The following VOPP1 variants were observed in gnomAD, a reference collection of about 807,000 sequenced individuals.
VOPP1 encodes the protein WW domain binding protein VOPP1.
A neutral mutation model predicts 23.5 loss-of-function variants in VOPP1; 8 were observed. The ratio of observed to expected loss-of-function variants is 0.34; its 90% CI spans 0.20 to 0.61. The LOEUF is 0.61. Ranked by LOEUF, VOPP1 falls within the 20% of genes least tolerant of loss-of-function variation. The pLI is 0.78. For synonymous variants in VOPP1, 83 were observed against 97.3 expected (o/e 0.85, Z 0.86); for missense variants, 174 against 238.1 (o/e 0.73, Z 1.77).
intron 1 of VOPP1, among the ~76,000 whole-genome samples, chr7:55,547,759 A>T (rs533665395): frequency 6.6e-6 from 1 of 152,184 alleles, no homozygotes; most frequent in East Asian, 1.9e-4. Flanking sequence ...CATCAGCTAG[A>T]CCTGAGTGGT....
intron 1 of VOPP1, among the ~76,000 whole-genome samples, chr7:55,550,336 G>A (rs944605336): frequency 1.3e-5 from 2 of 152,186 alleles, no homozygotes; most frequent in Non-Finnish European, 2.9e-5. Context: ...AAATAAGGGC[G>A]AAGATCCAAA....
intron 2 of VOPP1, among the ~76,000 whole-genome samples, chr7:55,516,859 A>C (rs1196622559): frequency 6.8e-6 from 1 of 147,564 alleles, no homozygotes; most frequent in Non-Finnish European, 1.5e-5. Flanking sequence ...AGGTGAAATG[A>C]AATGTAGAAT....
chr7:55,491,947 C>A (rs1276066341), intron 4 of VOPP1, among the ~76,000 whole-genome samples: 1 of 152,044 alleles, frequency 6.6e-6, no homozygotes, highest in African/African-American at 2.4e-5. Flanking sequence ...CTAAAAATGG[C>A]AGGGGTATTA....
At chr7:55,524,836 G>T (rs1796074777) in intron 1 of VOPP1, among the ~76,000 whole-genome samples, 1 of 152,282 alleles carries the variant, frequency 6.6e-6, no homozygotes, top group African/African-American at 2.4e-5. Flanking sequence ...GAAGTCTGAT[G>T]AGAAAGGCAG....
intron 2 of VOPP1, among the ~76,000 whole-genome samples, chr7:55,512,307 T>TAGCACGTG (rs1795124283): frequency 6.6e-6 from 1 of 151,802 alleles, no homozygotes; most frequent in African/African-American, 2.4e-5. Flanking sequence ...GTGCCTGTAA[T>TAGCACGTG]CCCAGCTACC....
At chr7:55,552,558 G>C (rs1224737670) in intron 1 of VOPP1, 2 of 1,525,828 alleles carry the variant, frequency 1.3e-6, no homozygotes, top group Non-Finnish European at 1.8e-6. Context: ...TTCCCAGGGT[G>C]ACAAATGAAG....
intron 4 of VOPP1, among the ~76,000 whole-genome samples, chr7:55,453,987 T>C (rs1025559900): frequency 1.3e-5 from 2 of 152,212 alleles, no homozygotes; most frequent in Admixed American, 1.3e-4. Context: ...GAGAAAATAG[T>C]ATACCAAATC....
chr7:55,571,269 C>T (rs6962990), intron 1 of VOPP1, among the ~76,000 whole-genome samples: 3,026 of 152,298 alleles, frequency 0.02, 102 homozygotes, highest in African/African-American at 0.069. Context: ...AACACTTTTC[C>T]TCCAACATTT....
intron 4 of VOPP1, among the ~76,000 whole-genome samples, chr7:55,479,410 C>A (rs1323822164): frequency 1.3e-5 from 2 of 150,656 alleles, no homozygotes; most frequent in African/African-American, 4.9e-5. Flanking sequence ...CAGCTCAGTA[C>A]TGGCATTTCT....
intron 1 of VOPP1, among the ~76,000 whole-genome samples, chr7:55,529,809 T>C (rs1796397810): frequency 1.3e-5 from 2 of 152,238 alleles, no homozygotes; most frequent in Admixed American, 1.3e-4. Flanking sequence ...TTGCCTTTGC[T>C]ATAAGGTTCA....
At chr7:55,438,047 G>A (rs1409776678) in intron 4 of VOPP1, among the ~76,000 whole-genome samples, 1 of 151,708 alleles carries the variant, frequency 6.6e-6, no homozygotes, top group Admixed American at 6.6e-5. Context: ...GATTACAGGC[G>A]CCCCCAACCT....
intron 1 of VOPP1, chr7:55,526,892 C>T (rs1032365790): frequency 6.6e-6 from 1 of 152,278 alleles, no homozygotes; most frequent in Non-Finnish European, 1.5e-5. Flanking sequence ...GAGGGGCCCC[C>T]TGCTGTGCCT....
intron 4 of VOPP1, among the ~76,000 whole-genome samples, chr7:55,450,063 GT>G (rs1791204778): frequency 6.6e-6 from 1 of 152,202 alleles, no homozygotes; most frequent in South Asian, 2.1e-4. Context: ...GACAAGGATG[GT>G]AATAAAGAAA....
chr7:55,512,215 C>T (rs1209743528), intron 2 of VOPP1, among the ~76,000 whole-genome samples: 1 of 152,144 alleles, frequency 6.6e-6, no homozygotes, highest in African/African-American at 2.4e-5. Flanking sequence ...CACTTGAGGT[C>T]AGGAGTTCGA....
intron 4 of VOPP1, among the ~76,000 whole-genome samples, chr7:55,454,906 C>T (rs1437448451): frequency 1.3e-5 from 2 of 152,218 alleles, no homozygotes; most frequent in African/African-American, 4.8e-5. Context: ...AGGATGCCCT[C>T]TCTCATCACT....
chr7:55,506,526 G>A (rs1160108055), intron 2 of VOPP1, among the ~76,000 whole-genome samples: 2 of 151,954 alleles, frequency 1.3e-5, no homozygotes, highest in Admixed American at 6.6e-5. Context: ...TGGTAGAGAC[G>A]GGGTTTCGCC....
At chr7:55,568,790 C>CT (rs1003309581) in intron 1 of VOPP1, among the ~76,000 whole-genome samples, 9 of 151,380 alleles carry the variant, frequency 5.9e-5, no homozygotes, top group Admixed American at 2.0e-4. Flanking sequence ...GTTTTAAAAC[C>CT]TTTTTTTTTC....
At chr7:55,458,571 A>C (rs1012163986) in intron 4 of VOPP1, among the ~76,000 whole-genome samples, 7 of 151,616 alleles carry the variant, frequency 4.6e-5, no homozygotes, top group African/African-American at 1.7e-4. Context: ...CCATTTGTTT[A>C]TTTCTTTCAT....
At chr7:55,449,529 C>T (rs1290280383) in intron 4 of VOPP1, among the ~76,000 whole-genome samples, 1 of 152,238 alleles carries the variant, frequency 6.6e-6, no homozygotes, top group African/African-American at 2.4e-5. Context: ...GCGCGGCCAG[C>T]GGGCGCAGGA....
Sources: gnomAD v4.1 joint callset for allele counts (sites outside exome capture counted in the v4.1 genomes callset) on GRCh38, gnomAD v4.1.1 for gene constraint, MANE v1.5 for transcripts, NCBI Gene and HGNC (gene_info 2026-07-23, HGNC 2026-07-21) for gene names.